Variants in TCAF1 observed in about 807,000 individuals in gnomAD.
The protein encoded by TCAF1 is TRPM8 channel-associated factor 1.
Under a neutral mutation model 27.3 loss-of-function variants are expected in TCAF1, and 4 were observed. The observed-to-expected ratio is 0.15, with a 90% CI of 0.07 to 0.34. The LOEUF (loss-of-function observed/expected upper bound fraction) is 0.34. TCAF1 is among the 10% of genes least tolerant of loss of function. The pLI, the probability that TCAF1 is intolerant of heterozygous loss-of-function variation, is 1.00. For synonymous variants in TCAF1, 105 were observed against 167.1 expected (o/e 0.63, Z 2.87); for missense variants, 257 against 425.8 (o/e 0.60, Z 3.49).
At chr7:143,883,500 C>CTTTTTCTTTTTTTTT (rs1813202687) in intron 1 of TCAF1, among the ~76,000 whole-genome samples, 1 of 98,092 alleles carries the variant, frequency 1.0e-5, no homozygotes, top group African/African-American at 4.2e-5. Context: ...TTTCCTTTTT[C>CTTTTTCTTTTTTTTT]TTTTTTTTTT....
rs1563211159 is a variant in TCAF1 at position 143,859,914 on chromosome 7, CGG to C, written c.2167+292_2167+293del. ...AATATATATTATATAATATATATTACGGAATATATATTATATAATATATATTA... is the reference window on the plus strand; with the variant it reads ...AATATATATTATATAATATATATTACAATATATATTATATAATATATATTA... On this transcript the variant is annotated intron_variant, in intron 6 of 8. Transcript: ENST00000479870. 7.0e-4 allele frequency among the ~76,000 whole-genome samples: 26 copies of C among 37,070 alleles called. 2 individuals are homozygous for C. The highest frequency in any genetic ancestry group is 2.1e-3 in the South Asian group (3 of 1,426). The allele number at this position is 37,070 out of a possible 152,430, so 24.3% of individuals were successfully genotyped here. A position where few individuals can be genotyped will look rare whatever the true frequency, so the allele number is the denominator to read the frequency against.
chr7:143,877,801 G>A (rs1303227333), intron 1 of TCAF1, among the ~76,000 whole-genome samples: 2 of 152,164 alleles, frequency 1.3e-5, no homozygotes, highest in Non-Finnish European at 2.9e-5. Flanking sequence ...CTGTCAGTGC[G>A]GCCCGAGGTA....
chr7:143,890,468 A>C (rs1361868910), intron 1 of TCAF1, among the ~76,000 whole-genome samples: 1 of 152,164 alleles, frequency 6.6e-6, no homozygotes, highest in Non-Finnish European at 1.5e-5. Context: ...TTATTCCCAC[A>C]AACTTCTTGA....
rs911397489 is a variant in TCAF1 at position 143,898,587 on chromosome 7, C to T, written c.-15+3374G>A. ...TAACTTTTACAAAAGAAAATGCTTA[C>T]AATAGCAGTAAAAATATGACGTGCC... On this transcript the variant is annotated intron_variant, in intron 1 of 8. Coordinates refer to ENST00000479870, the MANE Select transcript of TCAF1 (RefSeq NM_014719.3). 2.6e-5 allele frequency among the ~76,000 whole-genome samples: 4 copies of T among 151,952 alleles called. No individual in the cohort carries two copies. The South Asian group carries it at 6.2e-4, about 24-fold the overall frequency.
At chr7:143,894,135 G>A (rs1185933848) in intron 1 of TCAF1, among the ~76,000 whole-genome samples, 1 of 151,620 alleles carries the variant, frequency 6.6e-6, no homozygotes, top group Non-Finnish European at 1.5e-5. Context: ...TTTGCAAATT[G>A]TTTAAACAAC....
At chr7:143,860,115 T>C (rs1811944145) in intron 6 of TCAF1, 93 bp downstream of exon 6, 1 of 96,550 alleles carries the variant, frequency 1.0e-5, no homozygotes, top group Admixed American at 1.6e-4. Flanking sequence ...TAGCAAAATA[T>C]GTTTCCCCTA....
At position 143,897,131 on chromosome 7, in the gene TCAF1, A is replaced by AATATATATAT. The variant is rs5888117; in HGVS notation, c.-15+4820_-15+4829dup. On this transcript the variant is annotated intron_variant, in intron 1 of 8. Coordinates refer to ENST00000479870, the MANE Select transcript of TCAF1 (RefSeq NM_014719.3). ...AAACAGTTTTATTTTGTTAATCTTG[A>AATATATATAT]ATATATATATATATATATATATATA... Among the ~76,000 whole-genome samples the AATATATATAT allele has an allele frequency of 6.2e-3, 495 of 80,198 alleles. 9 individuals are homozygous for AATATATATAT. The highest frequency in any genetic ancestry group is 9.1e-3 in the Non-Finnish European group (345 of 38,082). 52.6% of individuals were successfully genotyped at this position (80,198 alleles called of 152,430 possible). A position where few individuals can be genotyped will look rare whatever the true frequency, so the allele number is the denominator to read the frequency against.
rs568585452 is a variant in TCAF1, at chr7:143,876,453, G to A, written c.156C>T (p.Ser52=). 7 of 1,608,560 alleles carry A rather than the reference G, an allele frequency of 4.4e-6. No homozygotes were observed. The highest frequency in any genetic ancestry group is 4.5e-5 in the East Asian group (2 of 44,862). The change falls in exon 2 of 9, where the codon TCC becomes TCT. Residue 52 remains serine (S), a synonymous_variant. Coordinates refer to ENST00000479870, the MANE Select transcript of TCAF1 (RefSeq NM_014719.3). ...NDMGQVLIAA[S]SYGRGRLVVV... is the part of the protein sequence containing the mutation. The stretch of plus-strand genomic sequence containing the variant: ...CCACCAGGCGGCCACGGCCATAGGA[G>A]GAGGCAGCAATGAGGACCTGGCCCA...
chr7:143,900,166 A>G (rs1814052221), intron 1 of TCAF1, among the ~76,000 whole-genome samples: 1 of 152,214 alleles, frequency 6.6e-6, no homozygotes, highest in South Asian at 2.1e-4. Flanking sequence ...GTGTACTTGA[A>G]TATTAGAGGA....
At chr7:143,881,680 C>G (rs1037398587) in intron 1 of TCAF1, among the ~76,000 whole-genome samples, 1 of 152,116 alleles carries the variant, frequency 6.6e-6, no homozygotes, top group African/African-American at 2.4e-5. Flanking sequence ...ATCTTTGAAG[C>G]CCCTCCTGTG....
intron 1 of TCAF1, among the ~76,000 whole-genome samples, chr7:143,892,093 C>G (rs12671873): frequency 0.1 from 15,631 of 152,112 alleles, 1,051 homozygotes; most frequent in East Asian, 0.34. Flanking sequence ...AATATAACTA[C>G]TAAAACTAAT....
intron 1 of TCAF1, chr7:143,886,601 G>A: frequency 1.2e-6 from 1 of 861,166 alleles, no homozygotes. Flanking sequence ...AAAACAAACA[G>A]CAGCCTAAAG....
intron 1 of TCAF1, among the ~76,000 whole-genome samples, chr7:143,880,014 T>C (rs1812931357): frequency 6.6e-6 from 1 of 152,234 alleles, no homozygotes; most frequent in Non-Finnish European, 1.5e-5. Context: ...AAGAATGTCC[T>C]AGATACATTT....
intron 1 of TCAF1, among the ~76,000 whole-genome samples, chr7:143,884,711 G>A (rs1271967367): frequency 6.8e-6 from 1 of 147,582 alleles, no homozygotes; most frequent in Non-Finnish European, 1.5e-5. Context: ...ATTTGGTGGG[G>A]GGAAGGGGTT....
At chr7:143,859,878 TACATA>T (rs777944783) in intron 6 of TCAF1, among the ~76,000 whole-genome samples, 69 of 32,582 alleles carry the variant, frequency 2.1e-3, no homozygotes, top group African/African-American at 5.3e-3. Context: ...TATACATATA[TACATA>T]TATATAATAT....
At chr7:143,897,131 A>AATATATAT (rs5888117) in intron 1 of TCAF1, among the ~76,000 whole-genome samples, 891 of 80,126 alleles carry the variant, frequency 0.011, 14 homozygotes, top group Non-Finnish European at 0.016. Flanking sequence ...GTTAATCTTG[A>AATATATAT]ATATATATAT....
At chr7:143,885,314 T>G in intron 1 of TCAF1, 1 of 984,780 alleles carries the variant, frequency 1.0e-6, no homozygotes, top group Non-Finnish European at 1.2e-6. Context: ...TGCAAATTGG[T>G]AGTGAAGTGG....
intron 1 of TCAF1, among the ~76,000 whole-genome samples, chr7:143,891,876 G>C: frequency 6.6e-6 from 1 of 152,008 alleles, no homozygotes; most frequent in Non-Finnish European, 1.5e-5. Context: ...AGCAGCCAGA[G>C]ATAAAGGATA....
At chr7:143,882,566 T>C in intron 1 of TCAF1, 1 of 985,310 alleles carries the variant, frequency 1.0e-6, no homozygotes. Flanking sequence ...GGGGATTCTC[T>C]GTCCCCGATG....
Sources: allele counts gnomAD v4.1 joint callset (sites outside exome capture counted in the v4.1 genomes callset), GRCh38; gene constraint gnomAD v4.1.1; transcripts MANE v1.5; gene names NCBI Gene and HGNC (gene_info 2026-07-23, HGNC 2026-07-21).